KCTD18: variants seen among roughly 807,000 people sequenced by gnomAD.
The protein encoded by KCTD18 is BTB/POZ domain-containing protein KCTD18.
In KCTD18, 22 loss-of-function variants were observed where a neutral mutation model predicts 30.4. The ratio of observed to expected loss-of-function variants is 0.72; its 90% confidence interval spans 0.52 to 1.03. The LOEUF is 1.03. KCTD18 is among the 50% of genes least tolerant of loss of function. KCTD18 has a pLI of 0.00. For missense variants in KCTD18, 529 were observed against 547.6 expected (o/e 0.97, Z 0.34); for synonymous variants, 186 against 209.0 (o/e 0.89, Z 0.95).
At chr2:200,494,492 T>G (rs1050947748) in intron 5 of KCTD18, among the ~76,000 whole-genome samples, 1 of 152,202 alleles carries the variant, frequency 6.6e-6, no homozygotes, top group African/African-American at 2.4e-5. Flanking sequence ...TTATTAAACT[T>G]CTGGTAACAA....
At chr2:200,490,724 TAA>T in intron 6 of KCTD18, 108 bp from the exon 7 acceptor site, 1 of 1,282,418 alleles carries the variant, frequency 7.8e-7, no homozygotes, top group Non-Finnish European at 1.1e-6. Flanking sequence ...GGTCAAGAAT[TAA>T]AGAGTCAAGA....
At chr2:200,499,728 G>A (rs1208383962) in intron 3 of KCTD18, among the ~76,000 whole-genome samples, 1 of 151,714 alleles carries the variant, frequency 6.6e-6, no homozygotes, top group Non-Finnish European at 1.5e-5. Context: ...CATTCCTTCT[G>A]AAACTATTCC....
chr2:200,490,715 G>T, intron 6 of KCTD18, 99 bp from the exon 7 acceptor site: 1 of 1,358,598 alleles, frequency 7.4e-7, no homozygotes, highest in Non-Finnish European at 9.9e-7. Context: ...AAAGGTTTTG[G>T]TCAAGAATTA....
In KCTD18 at chr2:200,490,588, C is replaced by G. The variant is rs376356569; in HGVS notation, c.793G>C (p.Glu265Gln). The G allele has an allele frequency of 4.8e-5, 77 of 1,596,366 alleles. No homozygotes were observed. In the African/African-American group the frequency reaches 7.9e-4, roughly 16 times the overall value. The part of the protein sequence containing the change: ...RRLITFNEAD[E>Q]SVNYKTGPKP... ...GGACCAGTCTTATAGTTCACACTTT[C>G]GTCCGCTTCATTGAACGTTATCAGT... is the stretch of plus-strand genomic sequence containing the variant. Residue 265 changes from glutamate to glutamine, a missense_variant, in exon 7 of 7, where the codon GAA (glutamate) becomes CAA (glutamine). Glu to Gln is a conservative substitution (Grantham distance 29). Coordinates refer to ENST00000359878, the MANE Select transcript of KCTD18 (RefSeq NM_152387.4).
At position 200,489,030 on chromosome 2, in the gene KCTD18, C is replaced by T. The variant is rs1047796012; in HGVS notation, c.*1070G>A. 2.6e-5 allele frequency: 4 copies of T among 152,278 alleles called. No homozygotes were observed. The highest frequency in any genetic ancestry group is 2.0e-4 in the Admixed American group (3 of 15,268). The allele number at this position is 152,278 out of a possible 1,614,324, so 9.4% of individuals were successfully genotyped here. ...GTATACTTACTTTACTCTTTCAAAGCAATGAAAGTACAATGATAAGCATTT... is the reference window on the plus strand; with the variant it reads ...GTATACTTACTTTACTCTTTCAAAGTAATGAAAGTACAATGATAAGCATTT... On this transcript the variant is annotated 3_prime_UTR_variant, in exon 7 of 7. Coordinates refer to ENST00000359878, the MANE Select transcript of KCTD18 (RefSeq NM_152387.4).
chr2:200,505,980 T>C (rs917205717), intron 2 of KCTD18, among the ~76,000 whole-genome samples: 2 of 152,014 alleles, frequency 1.3e-5, no homozygotes, highest in Non-Finnish European at 2.9e-5. Context: ...CTGCTTACCA[T>C]CTTTGCCCCA....
At chr2:200,507,945 T>C (rs1433480663) in intron 1 of KCTD18, among the ~76,000 whole-genome samples, 1 of 152,046 alleles carries the variant, frequency 6.6e-6, no homozygotes, top group Non-Finnish European at 1.5e-5. Context: ...AAGTGCTGAG[T>C]ATACAGGCAT....
At chr2:200,508,904 C>T (rs1333185253) in intron 1 of KCTD18, among the ~76,000 whole-genome samples, 1 of 152,202 alleles carries the variant, frequency 6.6e-6, no homozygotes, top group Non-Finnish European at 1.5e-5. Context: ...CTTCAGCAAA[C>T]CTAATTTCTT....
chr2:200,507,405 A>G (rs919990672), intron 1 of KCTD18, among the ~76,000 whole-genome samples: 2 of 152,238 alleles, frequency 1.3e-5, no homozygotes, highest in African/African-American at 4.8e-5. Flanking sequence ...CAGTATTCAC[A>G]TATCTTTTTA....
At chr2:200,499,366 A>G (rs889939618) in intron 3 of KCTD18, among the ~76,000 whole-genome samples, 6 of 151,960 alleles carry the variant, frequency 3.9e-5, no homozygotes, top group African/African-American at 1.5e-4. Flanking sequence ...TTTATTTCTT[A>G]CTCTTTTAGT....
At chr2:200,491,860 A>G (rs979699962) in intron 6 of KCTD18, among the ~76,000 whole-genome samples, 7 of 152,184 alleles carry the variant, frequency 4.6e-5, no homozygotes, top group African/African-American at 1.7e-4. Flanking sequence ...TTCAACTCCC[A>G]TTCTTGGAAA....
At chr2:200,505,001 CG>C in intron 2 of KCTD18, 42 bp from the exon 3 acceptor site, 1 of 1,494,664 alleles carries the variant, frequency 6.7e-7, no homozygotes, top group Non-Finnish European at 9.3e-7. Flanking sequence ...GAGATTCTGT[CG>C]ATCAATAAGA....
chr2:200,509,642 T>C lies in KCTD18; in HGVS notation c.-90A>G, dbSNP rs2030409524. On this transcript the variant is annotated 5_prime_UTR_variant, in exon 1 of 7. It removes an upstream start codon present in the reference 5' UTR. Transcript: ENST00000359878. Reference sequence around the variant, plus strand: ...CCTATGATCACCTGCATCAAAACCATCAGGGACGCTTGGGAAAACGAAGAC... The same window carrying C: ...CCTATGATCACCTGCATCAAAACCACCAGGGACGCTTGGGAAAACGAAGAC... The C allele has an allele frequency of 6.6e-6, 1 of 152,154 alleles. No individual in the cohort carries two copies. The highest frequency in any genetic ancestry group is 2.4e-5 in the African/African-American group (1 of 41,378). The allele number at this position is 152,154 out of a possible 1,614,324, so 9.4% of individuals were successfully genotyped here. A position where few individuals can be genotyped will look rare whatever the true frequency, so the allele number is the denominator to read the frequency against.
intron 1 of KCTD18, among the ~76,000 whole-genome samples, chr2:200,507,352 CT>C (rs1444480367): frequency 6.6e-6 from 1 of 152,216 alleles, no homozygotes; most frequent in Non-Finnish European, 1.5e-5. Flanking sequence ...GTAATGCACT[CT>C]CTGTCACACA....
chr2:200,504,170 A>G (rs2030030595), intron 3 of KCTD18, among the ~76,000 whole-genome samples: 1 of 152,218 alleles, frequency 6.6e-6, no homozygotes, highest in African/African-American at 2.4e-5. Flanking sequence ...TTAATTTAAA[A>G]AGAATTGGCC....
At chr2:200,493,316 T>C (rs758725632) in intron 5 of KCTD18, 42 bp from the exon 6 acceptor site, 2 of 1,113,576 alleles carry the variant, frequency 1.8e-6, no homozygotes, top group South Asian at 1.2e-5. Context: ...TACCATCCAC[T>C]GCAAAATGCT....
chr2:200,505,984 T>C (rs530544438), intron 2 of KCTD18, among the ~76,000 whole-genome samples: 1 of 152,244 alleles, frequency 6.6e-6, no homozygotes, highest in South Asian at 2.1e-4. Flanking sequence ...TTACCATCTT[T>C]GCCCCAACAA....
At position 200,499,086 on chromosome 2, in the gene KCTD18, T is replaced by A; in HGVS notation, c.373-2A>T. The stretch of plus-strand genomic sequence containing the variant: ...TGAATCACAGAAGTCTGTTAAAGCC[T>A]AAAGCAAAAAGTATATATAAAATTT... On this transcript the variant is annotated splice_acceptor_variant, in intron 3 of 6. Coordinates refer to ENST00000359878, the MANE Select transcript of KCTD18 (RefSeq NM_152387.4). LOFTEE classifies it high-confidence loss of function. 1 of 1,590,030 alleles carries A rather than the reference T, an allele frequency of 6.3e-7. No homozygotes were observed. The highest frequency in any genetic ancestry group is 1.8e-5 in the Admixed American group (1 of 55,110).
At chr2:200,492,353 A>G (rs2087932166) in intron 6 of KCTD18, among the ~76,000 whole-genome samples, 1 of 152,198 alleles carries the variant, frequency 6.6e-6, no homozygotes, top group African/African-American at 2.4e-5. Context: ...GGAAGGCAAA[A>G]TCACCCCTCG....
Sources: gnomAD v4.1 joint callset for allele counts (sites outside exome capture counted in the v4.1 genomes callset) on GRCh38, gnomAD v4.1.1 for gene constraint, MANE v1.5 for transcripts, NCBI Gene and HGNC (gene_info 2026-07-23, HGNC 2026-07-21) for gene names.